F13A1: variants seen among roughly 807,000 people sequenced by gnomAD.
F13A1 encodes coagulation factor XIII A chain.
In F13A1, 47 loss-of-function variants were observed where a neutral mutation model predicts 80.1. The observed-to-expected ratio is 0.59, with a 90% CI of 0.46 to 0.75. The LOEUF is 0.75. Ranked by LOEUF, F13A1 falls within the 30% of genes least tolerant of loss-of-function variation. F13A1 has a pLI of 0.00. For missense variants in F13A1, 817 were observed against 930.4 expected (o/e 0.88, Z 1.59); for synonymous variants, 349 against 344.9 (o/e 1.01, Z -0.13).
intron 6 of F13A1, among the ~76,000 whole-genome samples, chr6:6,245,450 C>T (rs1400008484): frequency 6.6e-6 from 1 of 152,214 alleles, no homozygotes; most frequent in Non-Finnish European, 1.5e-5. Context: ...TCTTGAACTC[C>T]TGACCTCAGG....
Position 6,250,637 on chromosome 6 carries a change from C to G in F13A1, c.690+174G>C, listed in dbSNP as rs187798801. 6.6e-6 allele frequency among the ~76,000 whole-genome samples: 1 copy of G among 152,262 alleles called. No individual in the cohort carries two copies. Among genetic ancestry groups the G allele is most frequent in the Non-Finnish European group, 1.5e-5 (1 of 68,024 alleles). ...ATATGTGGTTTCAGCTGATAAATTA[C>G]GCAGTTGTCTTTATGAGTCCCTACT... is the stretch of plus-strand genomic sequence containing the variant. On this transcript the variant is annotated intron_variant, in intron 5 of 14. Coordinates refer to ENST00000264870, the MANE Select transcript of F13A1 (RefSeq NM_000129.4). This position sits in a 1 kb window ranked among gnomAD's most constrained non-coding sequence, Gnocchi z 4.2.
At chr6:6,149,557 G>A (rs1462606987) in intron 14 of F13A1, among the ~76,000 whole-genome samples, 4 of 152,158 alleles carry the variant, frequency 2.6e-5, no homozygotes, top group Admixed American at 1.3e-4. Flanking sequence ...CAGAGAACTT[G>A]CCCTCCCTCT....
intron 4 of F13A1, among the ~76,000 whole-genome samples, chr6:6,260,073 G>C (rs972893916): frequency 6.6e-6 from 1 of 152,096 alleles, no homozygotes; most frequent in African/African-American, 2.4e-5. Context: ...TGCCTTTGTG[G>C]GTACAGTTCT....
intron 3 of F13A1, among the ~76,000 whole-genome samples, chr6:6,292,961 G>A (rs1479300960): frequency 6.6e-6 from 1 of 152,192 alleles, no homozygotes; most frequent in African/African-American, 2.4e-5. Context: ...AAACATAAAC[G>A]ATTGCCAGAA....
rs3101104 is a variant in F13A1 at position 6,250,421 on chromosome 6, A to C, written c.690+390T>G. ...CCCTAGGCTAACACTTAAAAAAAAA[A>C]AAAAAGAAGCTATTTCTTTGAATTG... On this transcript the variant is annotated intron_variant, in intron 5 of 14. Transcript: ENST00000264870. This position sits in a 1 kb window ranked among gnomAD's most constrained non-coding sequence, Gnocchi z 4.2. Among the ~76,000 whole-genome samples the C allele has an allele frequency of 0.12, 18,821 of 152,052 alleles. 1,497 individuals are homozygous for C. Among genetic ancestry groups the C allele is most frequent in the African/African-American group, 0.21 (8,607 of 41,456 alleles).
At chr6:6,176,301 A>G (rs1047267273) in intron 11 of F13A1, among the ~76,000 whole-genome samples, 2 of 152,214 alleles carry the variant, frequency 1.3e-5, no homozygotes, top group Non-Finnish European at 2.9e-5. Context: ...ACCCTCACTG[A>G]GGGCTAGCTC....
chr6:6,203,332 T>C (rs1761430381), intron 8 of F13A1, among the ~76,000 whole-genome samples: 1 of 152,240 alleles, frequency 6.6e-6, no homozygotes, highest in Non-Finnish European at 1.5e-5. Flanking sequence ...TTGCTTTATG[T>C]GTCAAGGAGG....
At chr6:6,166,566 G>T (rs1160406048) in intron 13 of F13A1, among the ~76,000 whole-genome samples, 3 of 152,172 alleles carry the variant, frequency 2.0e-5, no homozygotes, top group Admixed American at 6.5e-5. Flanking sequence ...CTGGATAAGG[G>T]CTGCATGAGA....
chr6:6,151,466 G>C (rs967547455), intron 14 of F13A1, among the ~76,000 whole-genome samples: 17 of 152,126 alleles, frequency 1.1e-4, no homozygotes, highest in African/African-American at 4.1e-4. Flanking sequence ...TTCAAACTTG[G>C]GTTCTGGAAT....
chr6:6,246,440 T>C (rs1757556269), intron 6 of F13A1, among the ~76,000 whole-genome samples: 1 of 152,170 alleles, frequency 6.6e-6, no homozygotes, highest in Admixed American at 6.5e-5. Context: ...ATGACGGAAA[T>C]GGAAATATTG....
chr6:6,151,770 C>T (rs368624417), intron 14 of F13A1, 43 bp downstream of exon 14: 13 of 1,613,320 alleles, frequency 8.1e-6, no homozygotes, highest in Middle Eastern at 1.7e-4. Flanking sequence ...AAGCTTCCCA[C>T]AGCCCTGCAC....
intron 2 of F13A1, among the ~76,000 whole-genome samples, chr6:6,312,874 G>A (rs747468664): frequency 2.6e-5 from 4 of 151,978 alleles, no homozygotes; most frequent in Non-Finnish European, 4.4e-5. Flanking sequence ...CCAAAGTATT[G>A]GGGATAGAGG....
At chr6:6,239,198 A>G (rs1757453654) in intron 6 of F13A1, among the ~76,000 whole-genome samples, 2 of 152,200 alleles carry the variant, frequency 1.3e-5, no homozygotes, top group Non-Finnish European at 2.9e-5. Flanking sequence ...AAACACATGT[A>G]ACAGTTGATG....
chr6:6,238,857 C>G (rs1757449170), intron 6 of F13A1, among the ~76,000 whole-genome samples: 1 of 152,070 alleles, frequency 6.6e-6, no homozygotes, highest in South Asian at 2.1e-4. Flanking sequence ...TTCAAGACAT[C>G]AAGAATAGGT....
At chr6:6,304,860 CAA>C (rs10719492) in intron 3 of F13A1, among the ~76,000 whole-genome samples, 20,568 of 103,190 alleles carry the variant, frequency 0.2, 1,517 homozygotes, top group Middle Eastern at 0.27. Context: ...GACTCTGTCT[CAA>C]AAAAAAAAAA....
chr6:6,188,226 GT>G (rs1761116896), intron 10 of F13A1, among the ~76,000 whole-genome samples: 1 of 151,986 alleles, frequency 6.6e-6, no homozygotes, highest in Admixed American at 6.6e-5. Flanking sequence ...TATTCCTTCA[GT>G]TCTGCTCTGA....
chr6:6,200,597 A>T (rs540161582), intron 8 of F13A1, among the ~76,000 whole-genome samples: 4 of 151,914 alleles, frequency 2.6e-5, no homozygotes, highest in Non-Finnish European at 4.4e-5. Context: ...AGAAGAAAAG[A>T]TAGGGCAGGG....
chr6:6,182,535 G>A (rs1761006949), intron 10 of F13A1, among the ~76,000 whole-genome samples: 1 of 152,192 alleles, frequency 6.6e-6, no homozygotes, highest in Non-Finnish European at 1.5e-5. Flanking sequence ...GGAAGAGGAA[G>A]TCTGCTAGGT....
At chr6:6,157,380 T>C (rs544498690) in intron 13 of F13A1, among the ~76,000 whole-genome samples, 1 of 152,278 alleles carries the variant, frequency 6.6e-6, no homozygotes, top group East Asian at 1.9e-4. Context: ...AAAACATTCA[T>C]CTTCAAAACT....
Sources: gnomAD v4.1 joint callset for allele counts (sites outside exome capture counted in the v4.1 genomes callset) on GRCh38, gnomAD v4.1.1 for gene constraint, Gnocchi (gnomAD v3.1) non-coding constraint, MANE v1.5 for transcripts, NCBI Gene and HGNC (gene_info 2026-07-23, HGNC 2026-07-21) for gene names.